AGXT: variants seen among roughly 807,000 people sequenced by gnomAD.
The protein encoded by AGXT is alanine--glyoxylate aminotransferase.
In AGXT, 41 loss-of-function variants were observed where a neutral mutation model predicts 46.9. The observed-to-expected ratio is 0.88, with a 90% confidence interval of 0.68 to 1.14. AGXT has a LOEUF of 1.14. Ranked by LOEUF, AGXT falls within the 50% of genes most tolerant of loss-of-function variation. The pLI, the probability that AGXT is intolerant of heterozygous loss-of-function variation, is 0.00. For missense variants in AGXT, 525 were observed against 522.7 expected, an observed-to-expected ratio of 1.00 and a Z score of -0.04; for synonymous variants, 244 against 227.9, an observed-to-expected ratio of 1.07 and a Z score of -0.64.
rs375775541 is a variant in AGXT at position 240,878,162 on chromosome 2, C to T, written c.1071+12C>T. On this transcript the variant is annotated intron_variant, in intron 10 of 10. Transcript: ENST00000307503. ...CCTCCACGGGGAAGGTGAGAGGGAG[C>T]GCCTCGAGGGCCTTTTGCAGAAACC... is the stretch of plus-strand genomic sequence containing the variant. 118 of 1,611,826 alleles carry T rather than the reference C, an allele frequency of 7.3e-5. 2 individuals carry two copies. The highest frequency in any genetic ancestry group is 2.9e-4 in the East Asian group (13 of 44,870).
intron 2 of AGXT, 71 bp from the exon 3 acceptor site, chr2:240,870,573 G>A: frequency 6.5e-7 from 1 of 1,533,140 alleles, no homozygotes; most frequent in Non-Finnish European, 8.8e-7. Context: ...GCTCAGCAGG[G>A]CCACGGGTGC....
Position 240,875,144 on chromosome 2 carries a change from CCTT to C in AGXT, c.719_721del (p.Phe240del). On this transcript the variant is annotated inframe_deletion, in exon 7 of 11. Transcript: ENST00000307503. ...TACTCCCGCAAGACGAAGCCCTTCT[CCTT>C]CTACCTGGACATCAAGTGGCTGGCC... is the stretch of plus-strand genomic sequence containing the variant. 4.3e-6 allele frequency: 7 copies of C among 1,613,962 alleles called. No homozygotes were observed. The highest frequency in any genetic ancestry group is 5.9e-6 in the Non-Finnish European group (7 of 1,179,832).
At chr2:240,877,077 G>A (rs1170930845) in intron 8 of AGXT, 1 of 317,530 alleles carries the variant, frequency 3.1e-6, no homozygotes. Context: ...GGGGCCCAGG[G>A]CTGGAGAGAC....
chr2:240,875,237 C>T lies in AGXT; in HGVS notation c.776+33C>T, dbSNP rs372984193. On this transcript the variant is annotated intron_variant, in intron 7 of 10. Transcript: ENST00000307503. ...CTGGCAGGGATGGGAAGGTGGAGGG[C>T]GCTGGGCATGGCTGAGAGGTGGGGC... 30 of 1,557,110 alleles carry T rather than the reference C, an allele frequency of 1.9e-5. 1 individual carries two copies. The Middle Eastern group carries it at 5.0e-4, about 26-fold the overall frequency.
In AGXT at chr2:240,875,994, T is replaced by C. The variant is rs140992177; in HGVS notation, c.836T>C (p.Ile279Thr). 2.9e-3 allele frequency: 4,677 copies of C among 1,614,098 alleles called. 11 individuals are homozygous for C. Among genetic ancestry groups the C allele is most frequent in the Non-Finnish European group, 3.6e-3 (4,205 of 1,179,988 alleles). The change falls in exon 8 of 11, where the codon ATT becomes ACT. Residue 279 changes from isoleucine (I) to threonine (T), a missense_variant. Ile to Thr is a moderately conservative substitution (Grantham distance 89). Coordinates refer to ENST00000307503, the MANE Select transcript of AGXT (RefSeq NM_000030.3). ...LYSLRESLAL[I>T]AEQGLENSWR... is the part of the protein sequence containing the mutation. ...AGCCTGAGAGAGAGCCTGGCCCTCA[T>C]TGCGGAACAGGTGCATGGGCTGCAC... is the stretch of plus-strand genomic sequence containing the variant.
At position 240,872,967 on chromosome 2, in the gene AGXT, C is replaced by A. The variant is rs368326419; in HGVS notation, c.525-12C>A. The stretch of plus-strand genomic sequence containing the variant: ...CACCTGCTGCCCTCCATTCTGTCCC[C>A]CACCTCTCCAGGTACAAGTGCCTGC... On this transcript the variant is annotated splice_polypyrimidine_tract_variant and intron_variant, in intron 4 of 10. Coordinates refer to ENST00000307503, the MANE Select transcript of AGXT (RefSeq NM_000030.3). 6.2e-7 allele frequency: 1 copy of A among 1,613,616 alleles called. No homozygotes were observed. The highest frequency in any genetic ancestry group is 2.2e-5 in the East Asian group (1 of 44,868).
chr2:240,869,754 T>C (rs1273389385), intron 2 of AGXT, among the ~76,000 whole-genome samples: 1 of 152,158 alleles, frequency 6.6e-6, no homozygotes, highest in African/African-American at 2.4e-5. Context: ...TCCCCTCAAA[T>C]CTCAGCAGCC....
chr2:240,878,113 T>C lies in AGXT; in HGVS notation c.1034T>C (p.Ile345Thr). ...IVSYVIDHFD[I>T]EIMGGLGPST... ...AGCTACGTCATAGACCACTTCGACA[T>C]TGAGATCATGGGTGGCCTTGGGCCC... is the stretch of plus-strand genomic sequence containing the variant. Residue 345 changes from isoleucine (I) to threonine (T), a missense_variant, in exon 10 of 11, where the codon ATT becomes ACT. Ile to Thr is a moderately conservative substitution (Grantham distance 89). Transcript: ENST00000307503. The C allele has an allele frequency of 1.9e-6, 3 of 1,613,190 alleles. No homozygotes were observed. In the South Asian group the frequency reaches 3.3e-5, roughly 18 times the overall value.
chr2:240,872,702 C>T lies in AGXT; in HGVS notation c.525-277C>T, dbSNP rs374333150. 2.4e-4 allele frequency among the ~76,000 whole-genome samples: 37 copies of T among 152,184 alleles called. No individual in the cohort carries two copies. The East Asian group carries it at 5.0e-3, about 21-fold the overall frequency. On this transcript the variant is annotated intron_variant, in intron 4 of 10. Coordinates refer to ENST00000307503, the MANE Select transcript of AGXT (RefSeq NM_000030.3). ...GGCTGACCCTCTTCAGCACCACTGC[C>T]GGGCCCTGCAGCTGGGTCTCACCAG...
chr2:240,871,284 GT>G, intron 3 of AGXT, 64 bp from the exon 4 acceptor site: 1 of 1,402,912 alleles, frequency 7.1e-7, no homozygotes, highest in Non-Finnish European at 9.8e-7. Flanking sequence ...CCCATGGGGG[GT>G]TTGTGGGGGT....
intron 6 of AGXT, 78 bp downstream of exon 6, chr2:240,874,140 G>C: frequency 6.9e-7 from 1 of 1,443,204 alleles, no homozygotes; most frequent in Non-Finnish European, 9.7e-7. Context: ...CGGGAGGGGC[G>C]GGAGCCAGGC....
In AGXT at chr2:240,880,109, C is replaced by T. The variant is rs4675792; in HGVS notation, c.*1288C>T. 0.52 allele frequency: 78,911 copies of T among 152,018 alleles called. 21,548 individuals carry two copies. The highest frequency in any genetic ancestry group is 0.61 in the Non-Finnish European group (41,150 of 67,962). The allele number at this position is 152,018 out of a possible 1,614,324, so 9.4% of individuals were successfully genotyped here. A position where few individuals can be genotyped will look rare whatever the true frequency, so the allele number is the denominator to read the frequency against. On this transcript the variant is annotated 3_prime_UTR_variant, in exon 11 of 11. Transcript: ENST00000307503. ...GTAGTGAAATTCTTACTCAAGCCTT[C>T]GTGTGGCCATATATTTTCATTTTTC...
intron 8 of AGXT, chr2:240,877,167 A>G: frequency 2.3e-6 from 1 of 441,024 alleles, no homozygotes; most frequent in Non-Finnish European, 4.5e-6. Context: ...CTGAGAGGAG[A>G]GGGGGCCTGG....
intron 8 of AGXT, 36 bp from the exon 9 acceptor site, chr2:240,877,501 C>T (rs1429521945): frequency 3.3e-6 from 5 of 1,523,204 alleles, no homozygotes; most frequent in Admixed American, 2.0e-5. Flanking sequence ...CCCACCCCAC[C>T]CATGTCACTG....
rs534092449 is a variant in AGXT at position 240,871,189 on chromosome 2, G to A, written c.424-160G>A. On this transcript the variant is annotated intron_variant, in intron 3 of 10. Coordinates refer to ENST00000307503, the MANE Select transcript of AGXT (RefSeq NM_000030.3). The stretch of plus-strand genomic sequence containing the variant: ...CTTGGAAAAGCCCTTGTCCCGGAGC[G>A]GAGATGCCCCAGCCTCCTCCTCCCA... The A allele has an allele frequency of 4.3e-4, 294 of 680,950 alleles. 4 individuals are homozygous for A. Among genetic ancestry groups the A allele is most frequent in the African/African-American group, 1.9e-3 (108 of 56,704 alleles). 42.2% of individuals were successfully genotyped at this position (680,950 alleles called of 1,614,324 possible).
At chr2:240,870,318 G>A (rs1347418834) in intron 2 of AGXT, among the ~76,000 whole-genome samples, 1 of 152,136 alleles carries the variant, frequency 6.6e-6, no homozygotes, top group African/African-American at 2.4e-5. Flanking sequence ...CCTGGGCCAG[G>A]TGCAGCCCTG....
At chr2:240,869,390 C>T (rs373880370) in intron 2 of AGXT, 28 bp downstream of exon 2, 7 of 1,537,244 alleles carry the variant, frequency 4.6e-6, no homozygotes, top group Non-Finnish European at 6.1e-6. Context: ...GTGGGGATGG[C>T]CCTGGATCCA....
rs767860823 is a variant in AGXT at position 240,868,880 on chromosome 2, G to A, written c.15G>A (p.Lys5=). 13 of 1,612,194 alleles carry A rather than the reference G, an allele frequency of 8.1e-6. No individual in the cohort carries two copies. The East Asian group carries it at 2.0e-4, about 25-fold the overall frequency. Residue 5 remains lysine, a synonymous_variant, in exon 1 of 11, where the codon AAG becomes AAA. Transcript: ENST00000307503. ...GGGTGCGGACCATGGCCTCTCACAA[G>A]CTGCTGGTGACCCCCCCCAAGGCCC... MASH[K]LLVTPPKALL... is the part of the protein sequence containing the mutation.
rs530836808 is a variant in AGXT at position 240,868,904 on chromosome 2, C to T, written c.39C>T (p.Ala13=). 7 of 1,613,204 alleles carry T rather than the reference C, an allele frequency of 4.3e-6. No homozygotes were observed. In the African/African-American group the frequency reaches 6.7e-5, roughly 15 times the overall value. The part of the protein sequence containing the change: ...SHKLLVTPPK[A]LLKPLSIPNQ... ...AGCTGCTGGTGACCCCCCCCAAGGC[C>T]CTGCTCAAGCCCCTCTCCATCCCCA... Residue 13 remains alanine (A), a synonymous_variant, in exon 1 of 11, where the codon GCC becomes GCT. Transcript: ENST00000307503.
Sources: allele counts gnomAD v4.1 joint callset (sites outside exome capture counted in the v4.1 genomes callset), GRCh38; gene constraint gnomAD v4.1.1; transcripts MANE v1.5; gene names NCBI Gene and HGNC (gene_info 2026-07-23, HGNC 2026-07-21).